The following NCOA2 variants were observed in gnomAD, a reference collection of about 807,000 sequenced individuals.
NCOA2 encodes the protein nuclear receptor coactivator 2.
NCOA2 carries 21 observed loss-of-function variants against 145.1 expected under a neutral mutation model. The observed-to-expected ratio is 0.14, with a 90% CI of 0.10 to 0.21. NCOA2 has a LOEUF of 0.21. Ranked by LOEUF, NCOA2 falls within the 10% of genes least tolerant of loss-of-function variation. The pLI, the probability that NCOA2 is intolerant of heterozygous loss-of-function variation, is 1.00. For synonymous variants in NCOA2, 619 were observed against 637.5 expected (o/e 0.97, Z 0.44); for missense variants, 1,472 against 1,837.6 (o/e 0.80, Z 3.64).
chr8:70,152,654 G>A (rs1423831652), intron 11 of NCOA2, among the ~76,000 whole-genome samples: 1 of 152,148 alleles, frequency 6.6e-6, no homozygotes, highest in Admixed American at 6.6e-5. Context: ...TTAAAAGTGT[G>A]TAAACATACT....
At chr8:70,246,577 T>C (rs1158639234) in intron 2 of NCOA2, among the ~76,000 whole-genome samples, 1 of 152,150 alleles carries the variant, frequency 6.6e-6, no homozygotes, top group Admixed American at 6.6e-5. Flanking sequence ...AAAATATACA[T>C]AACACAAAAT....
At chr8:70,224,431 T>G (rs1360021441) in intron 2 of NCOA2, among the ~76,000 whole-genome samples, 1 of 152,202 alleles carries the variant, frequency 6.6e-6, no homozygotes, top group Non-Finnish European at 1.5e-5. Context: ...TAAATGTAAC[T>G]TTGAGTCTCA....
chr8:70,148,189 G>C (rs1811320161), intron 12 of NCOA2, 84 bp downstream of exon 12: 4 of 1,348,982 alleles, frequency 3.0e-6, no homozygotes, highest in Non-Finnish European at 4.2e-6. Context: ...GACTAAGCTG[G>C]TTGCATCAGA....
chr8:70,159,853 TA>T (rs1403464943), intron 9 of NCOA2, among the ~76,000 whole-genome samples: 1 of 152,204 alleles, frequency 6.6e-6, no homozygotes, highest in Non-Finnish European at 1.5e-5. Flanking sequence ...AAAATACCAA[TA>T]ACCTCAATTA....
At chr8:70,334,911 G>A (rs1379829594) in intron 1 of NCOA2, among the ~76,000 whole-genome samples, 1 of 151,760 alleles carries the variant, frequency 6.6e-6, no homozygotes, top group Admixed American at 6.6e-5. Context: ...ATCACCTGAG[G>A]TCAGGAGTTT....
chr8:70,112,646 T>C lies in NCOA2; in HGVS notation c.*986A>G. ...CTCTTCTCCTTGCCAGTAAATGCAT[T>C]TTTTTTTTCTGAAATTCAATACTTA... On this transcript the variant is annotated 3_prime_UTR_variant, in exon 23 of 23. Transcript: ENST00000452400. 5.0e-6 allele frequency: 1 copy of C among 199,572 alleles called. No individual in the cohort carries two copies. The highest frequency in any genetic ancestry group is 7.7e-5 in the East Asian group (1 of 12,930). 12.4% of individuals were successfully genotyped at this position (199,572 alleles called of 1,614,324 possible).
chr8:70,119,224 T>A (rs1347748294), intron 22 of NCOA2, among the ~76,000 whole-genome samples: 1 of 152,140 alleles, frequency 6.6e-6, no homozygotes, highest in Non-Finnish European at 1.5e-5. Flanking sequence ...CAGTCACCCT[T>A]CTCAGTCTCT....
upstream of NCOA2, among the ~76,000 whole-genome samples, chr8:70,406,676 A>G (rs972289071): frequency 1.3e-5 from 2 of 152,226 alleles, no homozygotes; most frequent in Admixed American, 6.5e-5. Flanking sequence ...CAAATTATAT[A>G]TTTAACAATA....
intron 2 of NCOA2, among the ~76,000 whole-genome samples, chr8:70,240,456 T>C (rs546350664): frequency 6.6e-6 from 1 of 152,256 alleles, no homozygotes; most frequent in African/African-American, 2.4e-5. Flanking sequence ...CTCTGTCTTG[T>C]TTCAGATCTC....
chr8:70,292,639 A>T (rs1826785067), intron 2 of NCOA2, among the ~76,000 whole-genome samples: 1 of 152,198 alleles, frequency 6.6e-6, no homozygotes, highest in Non-Finnish European at 1.5e-5. Flanking sequence ...ATGGATAGAT[A>T]ATCCTTTTTA....
chr8:70,174,244 T>G (rs1299681730), intron 5 of NCOA2, among the ~76,000 whole-genome samples: 2 of 152,210 alleles, frequency 1.3e-5, no homozygotes. Flanking sequence ...AACAGGTAGT[T>G]AAGACCAACC....
At chr8:70,428,887 CA>C in the NCOA2 span, among the ~76,000 whole-genome samples, 4 of 150,016 alleles carry the variant, frequency 2.7e-5, no homozygotes, top group African/African-American at 9.8e-5. Context: ...AAGTTTAGAA[CA>C]AAAGCTATCA....
intron 22 of NCOA2, among the ~76,000 whole-genome samples, chr8:70,114,272 C>T (rs549295650): frequency 4.2e-4 from 64 of 152,222 alleles, no homozygotes; most frequent in African/African-American, 1.5e-3. Flanking sequence ...GTGATCTGCC[C>T]GCCTTGGCCT....
intron 2 of NCOA2, among the ~76,000 whole-genome samples, chr8:70,234,372 T>C (rs564474868): frequency 6.6e-6 from 1 of 152,222 alleles, no homozygotes; most frequent in Non-Finnish European, 1.5e-5. Context: ...CTTGGATATA[T>C]AGCTAGGAAT....
chr8:70,221,332 A>G (rs997277534), intron 2 of NCOA2, among the ~76,000 whole-genome samples: 2 of 152,192 alleles, frequency 1.3e-5, no homozygotes, highest in African/African-American at 2.4e-5. Context: ...CAACAGCTAA[A>G]GCTGCATCCA....
At chr8:70,244,651 CTTATAG>C (rs555486740) in intron 2 of NCOA2, among the ~76,000 whole-genome samples, 15 of 151,968 alleles carry the variant, frequency 9.9e-5, no homozygotes, top group Admixed American at 2.6e-4. Context: ...AAAGATAAAG[CTTATAG>C]TTATATTTAT....
chr8:70,354,168 T>G (rs1280196841), intron 1 of NCOA2, among the ~76,000 whole-genome samples: 1 of 152,196 alleles, frequency 6.6e-6, no homozygotes, highest in Non-Finnish European at 1.5e-5. Context: ...TGTATGTCAT[T>G]CTTATCTTTT....
At chr8:70,303,626 C>T (rs1201685426) in intron 1 of NCOA2, among the ~76,000 whole-genome samples, 1 of 152,138 alleles carries the variant, frequency 6.6e-6, no homozygotes, top group Non-Finnish European at 1.5e-5. Context: ...TTATCTTCTC[C>T]TCTAGACTGT....
At chr8:70,155,287 A>C (rs968737982) in intron 11 of NCOA2, among the ~76,000 whole-genome samples, 2 of 152,198 alleles carry the variant, frequency 1.3e-5, no homozygotes, top group African/African-American at 2.4e-5. Flanking sequence ...CTTTTGCATT[A>C]ATCAGAAGTT....
Sources: gnomAD v4.1 joint callset for allele counts (sites outside exome capture counted in the v4.1 genomes callset) on GRCh38, gnomAD v4.1.1 for gene constraint, MANE v1.5 for transcripts, NCBI Gene and HGNC (gene_info 2026-07-23, HGNC 2026-07-21) for gene names.